Variants in LSM1 observed in about 807,000 individuals in gnomAD.
LSM1 encodes the protein LSM1 homolog, mRNA degradation associated.
Under a neutral mutation model 18.0 loss-of-function variants are expected in LSM1, and 13 were observed. That is an observed-to-expected ratio of 0.72 (90% CI 0.47 to 1.15). LSM1 has a LOEUF of 1.15. LSM1 is among the 50% of genes most tolerant of loss of function. The pLI, the probability that LSM1 is intolerant of heterozygous loss-of-function variation, is 0.00. For synonymous variants in LSM1, 46 were observed against 56.0 expected (o/e 0.82, Z 0.80); for missense variants, 152 against 157.7 (o/e 0.96, Z 0.19).
chr8:38,165,946 G>A (rs1051132841), intron 3 of LSM1: 2 of 152,140 alleles, frequency 1.3e-5, no homozygotes, highest in Non-Finnish European at 2.9e-5. Context: ...TCACTTAAAT[G>A]TGGCATAGTA....
intron 1 of LSM1, 84 bp from the exon 2 acceptor site, chr8:38,172,117 A>G (rs1303333751): frequency 1.0e-6 from 1 of 964,050 alleles, no homozygotes; most frequent in African/African-American, 1.7e-5. Context: ...TTTAAGCTGT[A>G]CCACTTCCTC....
chr8:38,175,956 GC>G (rs77263158), intron 1 of LSM1: 59,253 of 285,842 alleles, frequency 0.21, 6,628 homozygotes, highest in East Asian at 0.29. Flanking sequence ...CGGGGGAGAA[GC>G]CCCCCCCCTC....
At chr8:38,167,071 G>C (rs1352224765) in intron 3 of LSM1, among the ~76,000 whole-genome samples, 1 of 152,088 alleles carries the variant, frequency 6.6e-6, no homozygotes, top group Non-Finnish European at 1.5e-5. Context: ...CCTGATTGCT[G>C]ATTCACATAA....
At chr8:38,169,061 T>C (rs944396694) in intron 3 of LSM1, among the ~76,000 whole-genome samples, 6 of 152,204 alleles carry the variant, frequency 3.9e-5, no homozygotes, top group Non-Finnish European at 7.3e-5. Flanking sequence ...AAGAAGACAG[T>C]GCTGGCTCAA....
intron 3 of LSM1, among the ~76,000 whole-genome samples, chr8:38,167,012 G>A (rs1802943092): frequency 6.6e-6 from 1 of 152,166 alleles, no homozygotes; most frequent in South Asian, 2.1e-4. Context: ...AGTGTTTACA[G>A]AAACTGATTT....
chr8:38,171,183 GATTACCTTCACTTCCGGA>G (rs1803022445), intron 2 of LSM1, among the ~76,000 whole-genome samples: 1 of 152,128 alleles, frequency 6.6e-6, no homozygotes, highest in South Asian at 2.1e-4. Flanking sequence ...GCTAGGGAGG[GATTACCTTCACTTCCGGA>G]ACTGCTTTGA....
chr8:38,163,692 G>C lies in LSM1; in HGVS notation c.380C>G (p.Ala127Gly). ...AGATTAGTACTCATCAAGAGTATCT[G>C]CTCGAGGAATGGAAAGACCTCGGTC... is the stretch of plus-strand genomic sequence containing the variant. Reference protein sequence around the residue: ...LKDRGLSIPRADTLDEY With the variant: ...LKDRGLSIPRGDTLDEY The change falls in exon 4 of 4, where the codon GCA (alanine) becomes GGA (glycine). Residue 127 changes from alanine (A) to glycine (G), a missense_variant. Transcript: ENST00000311351. The C allele has an allele frequency of 6.2e-7, 1 of 1,614,176 alleles. No individual in the cohort carries two copies. Among genetic ancestry groups the C allele is most frequent in the Non-Finnish European group, 8.5e-7 (1 of 1,180,024 alleles).
At position 38,171,960 on chromosome 8, in the gene LSM1, C is replaced by T. The variant is rs767682361; in HGVS notation, c.115+5G>A. On this transcript the variant is annotated splice_donor_5th_base_variant and intron_variant, in intron 2 of 3. Coordinates refer to ENST00000311351, the MANE Select transcript of LSM1 (RefSeq NM_014462.3). ...TATAAGAGATGTCCATAAATTAATA[C>T]ATACCAAATTGATCAATGCTTCTTA... The T allele has an allele frequency of 1.3e-6, 2 of 1,594,476 alleles. No individual in the cohort carries two copies. The highest frequency in any genetic ancestry group is 2.2e-5 in the East Asian group (1 of 44,784).
chr8:38,171,815 T>C, intron 2 of LSM1, 150 bp downstream of exon 2: 1 of 641,822 alleles, frequency 1.6e-6, no homozygotes, highest in South Asian at 1.8e-5. Context: ...TCTGAATGTA[T>C]AGAAAACAAT....
At chr8:38,167,774 CACAGTGGCATGTACCTAT>C (rs1802960654) in intron 3 of LSM1, among the ~76,000 whole-genome samples, 1 of 152,074 alleles carries the variant, frequency 6.6e-6, no homozygotes, top group Non-Finnish European at 1.5e-5. Flanking sequence ...CAGTATCAAG[CACAGTGGCATGTACCTAT>C]AGTCCCGGCT....
At chr8:38,174,760 C>T (rs1360159285) in intron 1 of LSM1, among the ~76,000 whole-genome samples, 1 of 152,006 alleles carries the variant, frequency 6.6e-6, no homozygotes, top group Non-Finnish European at 1.5e-5. Context: ...CGGTGGCTCA[C>T]GCCTGTAATC....
rs1250135381 is a variant in LSM1, at chr8:38,171,961, A to C, written c.115+4T>G. The C allele has an allele frequency of 6.3e-7, 1 of 1,598,450 alleles. No individual in the cohort carries two copies. The stretch of plus-strand genomic sequence containing the variant: ...ATAAGAGATGTCCATAAATTAATAC[A>C]TACCAAATTGATCAATGCTTCTTAA... On this transcript the variant is annotated splice_donor_region_variant and intron_variant, in intron 2 of 3. Coordinates refer to ENST00000311351, the MANE Select transcript of LSM1 (RefSeq NM_014462.3).
chr8:38,173,035 G>C (rs758517971), intron 1 of LSM1, among the ~76,000 whole-genome samples: 1 of 152,222 alleles, frequency 6.6e-6, no homozygotes, highest in Non-Finnish European at 1.5e-5. Context: ...TGAAGGGAGA[G>C]AAGTGGTTAC....
chr8:38,166,320 A>G (rs1339365766), intron 3 of LSM1, among the ~76,000 whole-genome samples: 1 of 152,098 alleles, frequency 6.6e-6, no homozygotes, highest in Non-Finnish European at 1.5e-5. Flanking sequence ...GGGTCTTGCT[A>G]TGTTGCCCAG....
At chr8:38,174,211 G>A (rs1803077296) in intron 1 of LSM1, among the ~76,000 whole-genome samples, 1 of 152,146 alleles carries the variant, frequency 6.6e-6, no homozygotes, top group South Asian at 2.1e-4. Context: ...ATGGGCATAT[G>A]AAGAGAACGG....
intron 1 of LSM1, among the ~76,000 whole-genome samples, chr8:38,173,499 G>A (rs561395341): frequency 1.3e-5 from 2 of 152,222 alleles, no homozygotes; most frequent in Admixed American, 6.6e-5. Flanking sequence ...AGTACTGGGC[G>A]CAGGCTGCAT....
chr8:38,175,165 T>G (rs1180998191), intron 1 of LSM1, among the ~76,000 whole-genome samples: 2 of 150,210 alleles, frequency 1.3e-5, no homozygotes, highest in Non-Finnish European at 3.0e-5. Context: ...ACTGCAACCT[T>G]CTCCTCCCGG....
intron 1 of LSM1, among the ~76,000 whole-genome samples, chr8:38,175,025 CA>C (rs1203614273): frequency 0.28 from 16,115 of 57,090 alleles, 569 homozygotes; most frequent in East Asian, 0.33. Flanking sequence ...GACTCTGTCT[CA>C]AAAAAAAAAA....
chr8:38,171,816 A>G (rs1803034953), intron 2 of LSM1, 149 bp downstream of exon 2: 1 of 643,676 alleles, frequency 1.6e-6, no homozygotes, highest in Non-Finnish European at 2.7e-6. Context: ...CTGAATGTAT[A>G]GAAAACAATG....
Sources: gnomAD v4.1 joint callset for allele counts (sites outside exome capture counted in the v4.1 genomes callset) on GRCh38, gnomAD v4.1.1 for gene constraint, MANE v1.5 for transcripts, NCBI Gene and HGNC (gene_info 2026-07-23, HGNC 2026-07-21) for gene names.